CLSTN2: variants seen among roughly 807,000 people sequenced by gnomAD.
The protein encoded by CLSTN2 is calsyntenin 2.
In CLSTN2, 48 loss-of-function variants were observed where a neutral mutation model predicts 101.2. The ratio of observed to expected loss-of-function variants is 0.47; its 90% CI spans 0.38 to 0.60. The LOEUF (loss-of-function observed/expected upper bound fraction) is 0.60. Ranked by LOEUF, CLSTN2 falls within the 20% of genes least tolerant of loss-of-function variation. The pLI, the probability that CLSTN2 is intolerant of heterozygous loss-of-function variation, is 0.00. For synonymous variants in CLSTN2, 481 were observed against 463.6 expected, an observed-to-expected ratio of 1.04 and a Z score of -0.48; for missense variants, 1,160 against 1,238.2, an observed-to-expected ratio of 0.94 and a Z score of 0.95.
intron 2 of CLSTN2, among the ~76,000 whole-genome samples, chr3:140,205,355 T>C (rs1028521091): frequency 2.6e-5 from 4 of 152,210 alleles, no homozygotes; most frequent in Admixed American, 6.5e-5. Flanking sequence ...TATCTGCCTA[T>C]AGGGCATGCA....
At chr3:140,205,388 C>T (rs1459671345) in intron 2 of CLSTN2, among the ~76,000 whole-genome samples, 1 of 152,150 alleles carries the variant, frequency 6.6e-6, no homozygotes, top group African/African-American at 2.4e-5. Context: ...GAAGACAAAA[C>T]AGATGTGCCT....
chr3:140,338,567 C>A (rs2087463772), intron 2 of CLSTN2, among the ~76,000 whole-genome samples: 1 of 147,024 alleles, frequency 6.8e-6, no homozygotes, highest in South Asian at 2.1e-4. Flanking sequence ...TGTCCAGTCC[C>A]CCCCCGGCCT....
chr3:140,145,295 G>A (rs2009764406), intron 1 of CLSTN2, among the ~76,000 whole-genome samples: 1 of 152,166 alleles, frequency 6.6e-6, no homozygotes, highest in Non-Finnish European at 1.5e-5. Flanking sequence ...GGAGCCCCAG[G>A]GAAATCCATA....
chr3:140,408,408 A>G (rs2088328571), intron 4 of CLSTN2, among the ~76,000 whole-genome samples: 1 of 152,148 alleles, frequency 6.6e-6, no homozygotes, highest in African/African-American at 2.4e-5. Flanking sequence ...CGCAGGAGCC[A>G]CCAGGTTCCC....
At chr3:140,192,883 TGTCAGTTGGACAC>T (rs1489901074) in intron 2 of CLSTN2, among the ~76,000 whole-genome samples, 1 of 151,956 alleles carries the variant, frequency 6.6e-6, no homozygotes, top group Non-Finnish European at 1.5e-5. Flanking sequence ...CCTGCTTTCT[TGTCAGTTGGACAC>T]ATTTTAGAAC....
intron 2 of CLSTN2, among the ~76,000 whole-genome samples, chr3:140,292,641 G>T (rs1468636710): frequency 2.6e-5 from 4 of 152,154 alleles, no homozygotes; most frequent in African/African-American, 9.7e-5. Flanking sequence ...AGAAAACTTG[G>T]ATGTAAATTC....
intron 2 of CLSTN2, among the ~76,000 whole-genome samples, chr3:140,184,420 TGAA>T (rs2107833176): frequency 6.6e-6 from 1 of 151,650 alleles, no homozygotes; most frequent in Non-Finnish European, 1.5e-5. Flanking sequence ...AGAGAGAGAG[TGAA>T]GGAGGAAGAG....
At chr3:139,943,273 C>A (rs1326517117) in intron 1 of CLSTN2, among the ~76,000 whole-genome samples, 1 of 152,182 alleles carries the variant, frequency 6.6e-6, no homozygotes, top group Non-Finnish European at 1.5e-5. Context: ...AACCTCTCCT[C>A]AATTCCCATT....
intron 5 of CLSTN2, among the ~76,000 whole-genome samples, chr3:140,421,599 C>T (rs1318594261): frequency 6.6e-6 from 1 of 152,148 alleles, no homozygotes; most frequent in Non-Finnish European, 1.5e-5. Context: ...TCACTTTACC[C>T]CAGGGTGCTG....
In CLSTN2 at chr3:140,196,005, A is replaced by G. The variant is rs1274244109; in HGVS notation, c.232+19932A>G. Among the ~76,000 whole-genome samples the G allele has an allele frequency of 2.0e-5, 3 of 152,190 alleles. No homozygotes were observed. The East Asian group carries it at 5.8e-4, about 29-fold the overall frequency. On this transcript the variant is annotated intron_variant, in intron 2 of 16. Coordinates refer to ENST00000458420, the MANE Select transcript of CLSTN2 (RefSeq NM_022131.3). ...CCTTCTATAGTGGATGCTGATGGAG[A>G]AGAGGTTTCAGAAATAGATGCGATG...
intron 2 of CLSTN2, among the ~76,000 whole-genome samples, chr3:140,351,654 G>C (rs1409502981): frequency 2.0e-5 from 3 of 152,212 alleles, no homozygotes; most frequent in Non-Finnish European, 4.4e-5. Context: ...GTATTTAAAT[G>C]AACGGGTGTG....
At chr3:140,458,832 A>C (rs532993044) in intron 6 of CLSTN2, among the ~76,000 whole-genome samples, 1 of 152,348 alleles carries the variant, frequency 6.6e-6, no homozygotes, top group South Asian at 2.1e-4. Context: ...AGAGTCAAAA[A>C]GGTCAACTTA....
chr3:140,104,437 C>T (rs780363974), intron 1 of CLSTN2, among the ~76,000 whole-genome samples: 3 of 152,160 alleles, frequency 2.0e-5, no homozygotes, highest in Non-Finnish European at 4.4e-5. Context: ...AAGCAATGCT[C>T]GGCTAAGAGG....
chr3:140,447,975 A>G (rs545631790), intron 5 of CLSTN2, among the ~76,000 whole-genome samples: 17 of 152,204 alleles, frequency 1.1e-4, no homozygotes, highest in Non-Finnish European at 1.8e-4. Flanking sequence ...ACACAAATTT[A>G]CCTATATAAC....
intron 12 of CLSTN2, 87 bp downstream of exon 12, chr3:140,558,944 C>T (rs552035025): frequency 9.6e-7 from 1 of 1,043,964 alleles, no homozygotes; most frequent in East Asian, 2.5e-5. Context: ...CAGCATTGTT[C>T]ATGTAATGTA....
intron 9 of CLSTN2, among the ~76,000 whole-genome samples, chr3:140,534,540 A>G (rs139971907): frequency 4.1e-4 from 62 of 152,320 alleles, no homozygotes; most frequent in African/African-American, 1.5e-3. Flanking sequence ...AATAATTCTC[A>G]CTTCATATTT....
intron 2 of CLSTN2, among the ~76,000 whole-genome samples, chr3:140,286,546 C>T (rs747040800): frequency 7.2e-5 from 11 of 152,144 alleles, no homozygotes; most frequent in South Asian, 2.1e-4. Context: ...ATTCTTTTGC[C>T]GCCCTCTATT....
intron 2 of CLSTN2, among the ~76,000 whole-genome samples, chr3:140,315,520 G>A (rs2087219731): frequency 6.6e-6 from 1 of 152,146 alleles, no homozygotes; most frequent in Non-Finnish European, 1.5e-5. Context: ...TTGTTCATTT[G>A]GATGCCATTA....
At chr3:140,284,584 C>T (rs1196797572) in intron 2 of CLSTN2, among the ~76,000 whole-genome samples, 4 of 152,108 alleles carry the variant, frequency 2.6e-5, no homozygotes, top group Non-Finnish European at 5.9e-5. Flanking sequence ...TCAGGATGTG[C>T]CCAGCCTCAG....
Sources: allele counts gnomAD v4.1 joint callset (sites outside exome capture counted in the v4.1 genomes callset), GRCh38; gene constraint gnomAD v4.1.1; transcripts MANE v1.5; gene names NCBI Gene and HGNC (gene_info 2026-07-23, HGNC 2026-07-21).